The following AKIRIN2 variants were observed in gnomAD, a reference collection of about 807,000 sequenced individuals.
AKIRIN2 encodes akirin 2.
AKIRIN2 carries 6 observed loss-of-function variants against 29.3 expected under a neutral mutation model. The observed-to-expected ratio is 0.20, with a 90% confidence interval of 0.11 to 0.40. The LOEUF (loss-of-function observed/expected upper bound fraction) is 0.40, where lower values mean the gene tolerates loss of function less well. Ranked by LOEUF, AKIRIN2 falls within the 10% of genes least tolerant of loss-of-function variation. The probability of loss-of-function intolerance (pLI) is 1.00; values close to 1 mark genes in which losing one functional copy is unlikely to be tolerated. For missense variants in AKIRIN2, 210 were observed against 276.1 expected, an observed-to-expected ratio of 0.76 and a Z score of 1.70; for synonymous variants, 128 against 117.5, an observed-to-expected ratio of 1.09 and a Z score of -0.58.
chr6:87,695,765 A>T (rs916105481), intron 1 of AKIRIN2, among the ~76,000 whole-genome samples: 2 of 152,208 alleles, frequency 1.3e-5, no homozygotes, highest in African/African-American at 4.8e-5. Flanking sequence ...TAAAGAGAAA[A>T]ATCTCTTTTC....
At chr6:87,696,699 C>CAAA (rs35676911) in intron 1 of AKIRIN2, among the ~76,000 whole-genome samples, 3 of 87,758 alleles carry the variant, frequency 3.4e-5, no homozygotes, top group Non-Finnish European at 4.5e-5. Flanking sequence ...AGACTCCATC[C>CAAA]AAAAAAAAAA....
chr6:87,691,897 A>G (rs535851501), intron 1 of AKIRIN2, among the ~76,000 whole-genome samples: 17 of 152,222 alleles, frequency 1.1e-4, no homozygotes, highest in Admixed American at 2.6e-4. Context: ...TTGATTTTGA[A>G]GTGGAGGAAA....
At chr6:87,700,309 CCAAATACAGAGGTATATA>C (rs1771439503) in intron 1 of AKIRIN2, among the ~76,000 whole-genome samples, 1 of 150,370 alleles carries the variant, frequency 6.7e-6, no homozygotes, top group Non-Finnish European at 1.5e-5. Context: ...ATGGAAGTCA[CCAAATACAGAGGTATATA>C]CTTCGGTTTT....
chr6:87,693,553 C>T (rs927254170), intron 1 of AKIRIN2, among the ~76,000 whole-genome samples: 2 of 151,996 alleles, frequency 1.3e-5, no homozygotes, highest in South Asian at 2.1e-4. Context: ...CATGGTGAAA[C>T]CCTGTCTCTA....
At chr6:87,682,617 A>G (rs1286151387) in intron 1 of AKIRIN2, among the ~76,000 whole-genome samples, 1 of 152,154 alleles carries the variant, frequency 6.6e-6, no homozygotes, top group African/African-American at 2.4e-5. Context: ...CTACACCTCC[A>G]TACTCCATAG....
At chr6:87,697,001 G>A (rs1163368004) in intron 1 of AKIRIN2, among the ~76,000 whole-genome samples, 4 of 150,556 alleles carry the variant, frequency 2.7e-5, no homozygotes, top group South Asian at 2.1e-4. Context: ...GTGAGACTCC[G>A]TCTCAAAACA....
chr6:87,676,974 G>C (rs143088097), intron 3 of AKIRIN2, among the ~76,000 whole-genome samples: 4,755 of 151,850 alleles, frequency 0.031, 250 homozygotes, highest in African/African-American at 0.11. Flanking sequence ...CTACACAGGA[G>C]GCTGAGGCAG....
intron 2 of AKIRIN2, among the ~76,000 whole-genome samples, chr6:87,678,371 G>A (rs1196093229): frequency 3.3e-5 from 5 of 151,602 alleles, no homozygotes; most frequent in South Asian, 2.1e-4. Flanking sequence ...GCATGGTGGC[G>A]GGCACCTGTA....
rs112353955 is a variant in AKIRIN2 at position 87,676,596 on chromosome 6, A to AACACACACACAC, written c.530-677_530-666dup. Among the ~76,000 whole-genome samples the AACACACACACAC allele has an allele frequency of 1.3e-3, 178 of 142,140 alleles. 1 individual carries two copies. Among genetic ancestry groups the AACACACACACAC allele is most frequent in the African/African-American group, 4.2e-3 (154 of 37,052 alleles). The allele number at this position is 142,140 out of a possible 152,430, so 93.2% of individuals were successfully genotyped here. A position where few individuals can be genotyped will look rare whatever the true frequency, so the allele number is the denominator to read the frequency against. ...ATGGTGAAACCCCGTCTCTACTAAAAACACACACACACACACACACACACA... is the reference window on the plus strand; with the variant it reads ...ATGGTGAAACCCCGTCTCTACTAAAAACACACACACACACACACACACACACACACACACACA... On this transcript the variant is annotated intron_variant, in intron 3 of 4. Transcript: ENST00000257787.
chr6:87,687,536 C>G (rs1177714696), intron 1 of AKIRIN2, among the ~76,000 whole-genome samples: 2 of 150,244 alleles, frequency 1.3e-5, no homozygotes, highest in African/African-American at 4.9e-5. Context: ...GAAACTAAAA[C>G]AGTTATGTTC....
chr6:87,691,167 G>C (rs144406044), intron 1 of AKIRIN2, among the ~76,000 whole-genome samples: 12 of 152,118 alleles, frequency 7.9e-5, no homozygotes, highest in African/African-American at 2.7e-4. Flanking sequence ...AATTAGGCTG[G>C]GCGTGGTGGC....
intron 1 of AKIRIN2, among the ~76,000 whole-genome samples, chr6:87,682,369 T>A (rs191094808): frequency 6.0e-4 from 92 of 152,236 alleles, no homozygotes; most frequent in African/African-American, 2.0e-3. Context: ...GAGGGTAGGG[T>A]GAGGGGGAGA....
At chr6:87,698,573 G>C (rs549027971) in intron 1 of AKIRIN2, among the ~76,000 whole-genome samples, 35 of 152,200 alleles carry the variant, frequency 2.3e-4, no homozygotes, top group African/African-American at 8.4e-4. Context: ...ACCATCCCTA[G>C]ACCCTGAACA....
intron 4 of AKIRIN2, 91 bp downstream of exon 4, chr6:87,675,769 T>A: frequency 6.7e-7 from 1 of 1,483,072 alleles, no homozygotes. Context: ...TTTTGTTGAA[T>A]TCTCTTTTTG....
intron 4 of AKIRIN2, 108 bp downstream of exon 4, chr6:87,675,752 T>A: frequency 6.9e-7 from 1 of 1,453,268 alleles, no homozygotes; most frequent in Admixed American, 1.9e-5. Context: ...CCATACATTC[T>A]CAGTAATTTT....
intron 1 of AKIRIN2, among the ~76,000 whole-genome samples, chr6:87,689,383 A>G (rs1353626068): frequency 5.3e-5 from 8 of 152,152 alleles, no homozygotes; most frequent in Non-Finnish European, 7.4e-5. Context: ...GCATGCCTGT[A>G]ATCCCAATCG....
intron 1 of AKIRIN2, 125 bp downstream of exon 1, chr6:87,701,322 CCTA>C: frequency 3.2e-6 from 3 of 943,024 alleles, no homozygotes; most frequent in South Asian, 1.9e-5. Context: ...ACGTGGCTGC[CCTA>C]CTACTTTGCT....
chr6:87,686,106 T>C (rs1771181706), intron 1 of AKIRIN2, among the ~76,000 whole-genome samples: 1 of 151,990 alleles, frequency 6.6e-6, no homozygotes, highest in Non-Finnish European at 1.5e-5. Flanking sequence ...TCCCAGCTAC[T>C]TGGGAGGCAG....
chr6:87,681,597 T>C (rs778382256), intron 2 of AKIRIN2, 23 bp downstream of exon 2: 2 of 1,590,730 alleles, frequency 1.3e-6, no homozygotes, highest in Non-Finnish European at 1.7e-6. Context: ...ATAAACTTTG[T>C]AAATGACAAG....
Sources: allele counts gnomAD v4.1 joint callset (sites outside exome capture counted in the v4.1 genomes callset), GRCh38; gene constraint gnomAD v4.1.1; transcripts MANE v1.5; gene names NCBI Gene and HGNC (gene_info 2026-07-23, HGNC 2026-07-21).